The following MAST4 variants were observed in gnomAD, a reference collection of about 807,000 sequenced individuals.
MAST4 encodes microtubule associated serine/threonine kinase family member 4, also known as microtubule-associated serine/threonine-protein kinase 4.
Under a neutral mutation model 162.7 loss-of-function variants are expected in MAST4, and 89 were observed. The observed-to-expected ratio is 0.55, with a 90% CI of 0.46 to 0.65. The LOEUF (loss-of-function observed/expected upper bound fraction) is 0.65, where lower values mean the gene tolerates loss of function less well. Among genes scored for constraint, MAST4 ranks in the 30% least tolerant of loss-of-function variants. The pLI is 0.00. For synonymous variants in MAST4, 1,479 were observed against 1,361.1 expected (o/e 1.09, Z -1.91); for missense variants, 3,153 against 3,374.0 (o/e 0.93, Z 1.62).
intron 3 of MAST4, among the ~76,000 whole-genome samples, chr5:66,807,463 T>C (rs1229777695): frequency 3.3e-5 from 5 of 149,660 alleles, no homozygotes; most frequent in African/African-American, 7.4e-5. Flanking sequence ...GCCACTGCAG[T>C]CCGCAGTCCG....
intron 4 of MAST4, among the ~76,000 whole-genome samples, chr5:66,984,646 A>T (rs1749260413): frequency 6.6e-6 from 1 of 151,168 alleles, no homozygotes; most frequent in African/African-American, 2.4e-5. Flanking sequence ...ATGAGAGAGA[A>T]TGTTGCCTTG....
intron 1 of MAST4, among the ~76,000 whole-genome samples, chr5:66,627,941 C>A (rs2149417143): frequency 6.6e-6 from 1 of 152,154 alleles, no homozygotes; most frequent in African/African-American, 2.4e-5. Context: ...GCCCCCCACC[C>A]CACCCCTACC....
In MAST4 at chr5:66,644,333, G is replaced by A. The variant is rs554466466; in HGVS notation, c.363+47315G>A. ...AGATTATTGGCTTTATGGCCAGTTT[G>A]CATTTAGGCAGAGGAAAGGATGAAA... is the stretch of plus-strand genomic sequence containing the variant. On this transcript the variant is annotated intron_variant, in intron 1 of 28. Coordinates refer to ENST00000403625, the MANE Select transcript of MAST4 (RefSeq NM_001164664.2). Among the ~76,000 whole-genome samples the A allele has an allele frequency of 4.6e-5, 7 of 152,234 alleles. No homozygotes were observed. The South Asian group carries it at 1.4e-3, about 32-fold the overall frequency.
chr5:66,716,568 C>T (rs1415973642), intron 1 of MAST4, among the ~76,000 whole-genome samples: 2 of 151,610 alleles, frequency 1.3e-5, no homozygotes, highest in African/African-American at 4.8e-5. Context: ...CCTATATTAC[C>T]CAGGCTGGTC....
intron 4 of MAST4, among the ~76,000 whole-genome samples, chr5:67,018,123 G>A (rs1351697597): frequency 6.6e-6 from 1 of 152,068 alleles, no homozygotes; most frequent in East Asian, 1.9e-4. Flanking sequence ...ATGAGGAAAT[G>A]ATTAACACAT....
intron 7 of MAST4, among the ~76,000 whole-genome samples, chr5:67,095,950 G>A (rs1303344761): frequency 1.3e-5 from 2 of 152,122 alleles, no homozygotes; most frequent in Non-Finnish European, 2.9e-5. Context: ...AACATTTGGT[G>A]TAGTTCGGGG....
chr5:67,163,925 A>G lies in MAST4; in HGVS notation c.4746A>G (p.Glu1582=). Residue 1582 remains glutamate (E), a synonymous_variant, in exon 29 of 29, where the codon GAA becomes GAG. Coordinates refer to ENST00000403625, the MANE Select transcript of MAST4 (RefSeq NM_001164664.2). This position sits in a 1 kb window ranked among gnomAD's most constrained non-coding sequence, Gnocchi z 7.0. The part of the protein sequence containing the change: ...REKKVYPKAV[E]RSSTFENKAS... ...AGAAAGTCTATCCGAAGGCTGTGGA[A>G]AGGTCAAGTACTTTTGAAAACAAAG... 6.2e-7 allele frequency: 1 copy of G among 1,613,942 alleles called. No homozygotes were observed. Among genetic ancestry groups the G allele is most frequent in the Non-Finnish European group, 8.5e-7 (1 of 1,179,862 alleles).
chr5:67,098,505 A>G (rs924931059), intron 7 of MAST4, among the ~76,000 whole-genome samples: 1 of 152,188 alleles, frequency 6.6e-6, no homozygotes, highest in South Asian at 2.1e-4. Flanking sequence ...AGAAATAAGA[A>G]TATAAATACT....
Position 66,964,068 on chromosome 5 carries a change from T to C in MAST4, c.674+64086T>C, listed in dbSNP as rs1386203019. On this transcript the variant is annotated intron_variant, in intron 4 of 28. Coordinates refer to ENST00000403625, the MANE Select transcript of MAST4 (RefSeq NM_001164664.2). ...ATGATCTGCACTGAATTCTGTAAGT[T>C]TTGATCAATATAAAGATATAATTTA... 5.0e-6 allele frequency: 3 copies of C among 597,452 alleles called. No homozygotes were observed. The Admixed American group carries it at 6.5e-5, about 13-fold the overall frequency. 37.0% of individuals were successfully genotyped at this position (597,452 alleles called of 1,614,324 possible). A position where few individuals can be genotyped will look rare whatever the true frequency, so the allele number is the denominator to read the frequency against.
intron 3 of MAST4, among the ~76,000 whole-genome samples, chr5:66,794,796 G>A (rs1043481957): frequency 5.3e-5 from 8 of 152,016 alleles, no homozygotes; most frequent in South Asian, 2.1e-4. Flanking sequence ...TTTTGACATC[G>A]TATACGTTTC....
At chr5:66,877,332 GT>G (rs1359397533) in intron 3 of MAST4, among the ~76,000 whole-genome samples, 1 of 152,358 alleles carries the variant, frequency 6.6e-6, no homozygotes, top group South Asian at 2.1e-4. Flanking sequence ...CCTGCTTCTA[GT>G]TGCTTTACAC....
At chr5:66,906,521 G>C (rs554411749) in intron 4 of MAST4, among the ~76,000 whole-genome samples, 2 of 152,116 alleles carry the variant, frequency 1.3e-5, no homozygotes, top group African/African-American at 4.8e-5. Flanking sequence ...CCCTCTGACC[G>C]CAAAGGGGAT....
At chr5:66,905,262 G>A (rs1213735202) in intron 4 of MAST4, among the ~76,000 whole-genome samples, 4 of 141,754 alleles carry the variant, frequency 2.8e-5, no homozygotes, top group Non-Finnish European at 4.5e-5. Flanking sequence ...AGCCGAGATC[G>A]CGCCCACGCC....
chr5:66,748,676 G>A (rs955163216), intron 1 of MAST4, among the ~76,000 whole-genome samples: 1 of 151,664 alleles, frequency 6.6e-6, no homozygotes, highest in Admixed American at 6.6e-5. Flanking sequence ...TTTTAGTAGA[G>A]ACAGGGTTTC....
At chr5:66,882,633 CTTT>C (rs1160567732) in intron 3 of MAST4, among the ~76,000 whole-genome samples, 3 of 152,108 alleles carry the variant, frequency 2.0e-5, no homozygotes, top group African/African-American at 7.2e-5. Context: ...CCCACATCTT[CTTT>C]ATGTTGCCAT....
chr5:67,122,957 T>C (rs1261216445), intron 14 of MAST4, among the ~76,000 whole-genome samples: 1 of 152,222 alleles, frequency 6.6e-6, no homozygotes, highest in Non-Finnish European at 1.5e-5. Context: ...TTTTTTTCTT[T>C]TTCTCTTCTC....
chr5:66,757,249 T>G (rs1753594685), intron 1 of MAST4, among the ~76,000 whole-genome samples: 1 of 152,206 alleles, frequency 6.6e-6, no homozygotes, highest in African/African-American at 2.4e-5. Flanking sequence ...AAATGAGAAA[T>G]ATTTGTATTT....
At chr5:66,837,894 A>ATAT (rs1554057455) in intron 3 of MAST4, among the ~76,000 whole-genome samples, 4 of 53,708 alleles carry the variant, frequency 7.4e-5, no homozygotes, top group South Asian at 2.0e-3. Flanking sequence ...ATATATATAT[A>ATAT]TTTTTTTTTT....
At chr5:66,750,221 G>A (rs1409558379) in intron 1 of MAST4, among the ~76,000 whole-genome samples, 1 of 152,166 alleles carries the variant, frequency 6.6e-6, no homozygotes, top group Non-Finnish European at 1.5e-5. Flanking sequence ...TGATCCCTTT[G>A]AACTAATGAA....
Sources: allele counts gnomAD v4.1 joint callset (sites outside exome capture counted in the v4.1 genomes callset), GRCh38; gene constraint gnomAD v4.1.1; non-coding constraint Gnocchi (gnomAD v3.1); transcripts MANE v1.5; gene names NCBI Gene and HGNC (gene_info 2026-07-23, HGNC 2026-07-21).